FRAS1: variants seen among roughly 807,000 people sequenced by gnomAD.
The protein encoded by FRAS1 is Fraser extracellular matrix complex subunit 1, also known as extracellular matrix organizing protein FRAS1.
FRAS1 carries 290 observed loss-of-function variants against 435.2 expected under a neutral mutation model. That is an observed-to-expected ratio of 0.67 (90% CI 0.61 to 0.73). FRAS1 has a LOEUF of 0.73. Among genes scored for constraint, FRAS1 ranks in the 30% least tolerant of loss-of-function variants. FRAS1 has a pLI of 0.00. For missense variants in FRAS1, 4,860 were observed against 5,001.5 expected (o/e 0.97, Z 0.85); for synonymous variants, 1,800 against 1,851.0 (o/e 0.97, Z 0.71).
rs150378290 is a variant in FRAS1 at position 78,217,221 on chromosome 4, T to C, written c.109-20289T>C. 8.7e-3 allele frequency among the ~76,000 whole-genome samples: 1,321 copies of C among 152,290 alleles called. 19 individuals carry two copies. Among genetic ancestry groups the C allele is most frequent in the African/African-American group, 0.03 (1,253 of 41,548 alleles). ...CTATTCAGGCCCTCCAAGGATTGGA[T>C]GATGCCCTCCCTCATTGATCTTGTT... is the stretch of plus-strand genomic sequence containing the variant. On this transcript the variant is annotated intron_variant, in intron 2 of 73. Coordinates refer to ENST00000512123, the MANE Select transcript of FRAS1 (RefSeq NM_025074.7).
intron 2 of FRAS1, among the ~76,000 whole-genome samples, chr4:78,115,772 A>G (rs933149979): frequency 1.3e-5 from 2 of 152,068 alleles, no homozygotes; most frequent in Admixed American, 1.3e-4. Context: ...GATCTTTTCA[A>G]AAAATCAGCT....
rs35373726 is a variant in FRAS1 at position 78,177,087 on chromosome 4, GTT to G, written c.109-60406_109-60405del. On this transcript the variant is annotated intron_variant, in intron 2 of 73. Transcript: ENST00000512123. ...GGGAGGGAGAGAGAGAGTGATGTGAGTTTTTTTTTTTTTTTTTTGAGACAGAG... is the reference window on the plus strand; with the variant it reads ...GGGAGGGAGAGAGAGAGTGATGTGAGTTTTTTTTTTTTTTTTGAGACAGAG... Among the ~76,000 whole-genome samples, 129 of 133,290 alleles carry G rather than the reference GTT, an allele frequency of 9.7e-4. 1 individual carries two copies. The highest frequency in any genetic ancestry group is 7.8e-3 in the Middle Eastern group (2 of 258). 87.4% of individuals were successfully genotyped at this position (133,290 alleles called of 152,430 possible).
intron 47 of FRAS1, among the ~76,000 whole-genome samples, chr4:78,461,577 C>T (rs887019752): frequency 6.6e-6 from 1 of 152,280 alleles, no homozygotes; most frequent in East Asian, 1.9e-4. Flanking sequence ...ATAGTAGGTG[C>T]TCAATATTTG....
intron 2 of FRAS1, among the ~76,000 whole-genome samples, chr4:78,166,176 G>T (rs1721324983): frequency 6.6e-6 from 1 of 152,128 alleles, no homozygotes; most frequent in Non-Finnish European, 1.5e-5. Context: ...AAGGCACTTT[G>T]TATTTTATAA....
chr4:78,342,011 TTTATCTA>T, intron 20 of FRAS1, among the ~76,000 whole-genome samples: 1 of 152,268 alleles, frequency 6.6e-6, no homozygotes, highest in Middle Eastern at 3.4e-3. Context: ...TTAGGTGACT[TTTATCTA>T]AACTCAGGAA....
intron 59 of FRAS1, among the ~76,000 whole-genome samples, chr4:78,495,726 C>G (rs1720492063): frequency 6.6e-6 from 1 of 152,088 alleles, no homozygotes; most frequent in East Asian, 1.9e-4. Flanking sequence ...ACATGGCAAT[C>G]TATCATTATT....
chr4:78,454,123 C>T (rs1470323100), intron 47 of FRAS1, among the ~76,000 whole-genome samples: 1 of 150,532 alleles, frequency 6.6e-6, no homozygotes, highest in Non-Finnish European at 1.5e-5. Context: ...AATAAGATGA[C>T]AGTTGAGCAG....
chr4:78,435,804 A>T (rs1219939748), intron 38 of FRAS1, among the ~76,000 whole-genome samples: 1 of 152,118 alleles, frequency 6.6e-6, no homozygotes, highest in East Asian at 1.9e-4. Flanking sequence ...ACTCTTTAAA[A>T]CATGGTTCTG....
At chr4:78,325,551 C>T (rs770371696) in intron 18 of FRAS1, among the ~76,000 whole-genome samples, 14 of 152,190 alleles carry the variant, frequency 9.2e-5, no homozygotes, top group Admixed American at 1.3e-4. Flanking sequence ...TGCTGACATG[C>T]GCTGTACAAA....
At chr4:78,285,760 GAGTAATTCC>G (rs1212420408) in intron 13 of FRAS1, among the ~76,000 whole-genome samples, 3 of 152,116 alleles carry the variant, frequency 2.0e-5, no homozygotes, top group Non-Finnish European at 4.4e-5. Flanking sequence ...TATAAAGTGA[GAGTAATTCC>G]AGTACCTTCC....
chr4:78,197,893 A>ATC (rs1722882948), intron 2 of FRAS1, among the ~76,000 whole-genome samples: 2 of 151,908 alleles, frequency 1.3e-5, no homozygotes, highest in South Asian at 2.1e-4. Flanking sequence ...GTGAGCCGAG[A>ATC]TTGAGCCACT....
intron 14 of FRAS1, among the ~76,000 whole-genome samples, chr4:78,302,506 C>G (rs1233572384): frequency 3.4e-4 from 51 of 152,234 alleles, no homozygotes; most frequent in Non-Finnish European, 2.9e-5. Context: ...TCCACATCCT[C>G]TCCAGCACCT....
At chr4:78,322,828 G>A (rs1351500085) in intron 18 of FRAS1, among the ~76,000 whole-genome samples, 3 of 152,118 alleles carry the variant, frequency 2.0e-5, no homozygotes, top group Non-Finnish European at 2.9e-5. Context: ...AGTGTCTCCC[G>A]GGTGCCAGGC....
intron 70 of FRAS1, among the ~76,000 whole-genome samples, chr4:78,530,088 T>C (rs529499935): frequency 6.6e-6 from 1 of 152,290 alleles, no homozygotes; most frequent in Admixed American, 6.5e-5. Flanking sequence ...GAATTCATTG[T>C]AGGAAAATTC....
At chr4:78,270,539 G>A (rs1002891490) in intron 9 of FRAS1, among the ~76,000 whole-genome samples, 964 of 70,636 alleles carry the variant, frequency 0.014, 6 homozygotes, top group African/African-American at 0.05. Context: ...ACCGCCCCCC[G>A]CCACCCCGCC....
At chr4:78,401,968 A>G (rs968725866) in intron 30 of FRAS1, among the ~76,000 whole-genome samples, 2 of 152,032 alleles carry the variant, frequency 1.3e-5, no homozygotes, top group African/African-American at 2.4e-5. Flanking sequence ...CTCAGAATTT[A>G]AAATTATGGA....
intron 22 of FRAS1, among the ~76,000 whole-genome samples, chr4:78,364,821 G>A (rs550423535): frequency 6.6e-6 from 1 of 152,316 alleles, no homozygotes; most frequent in Non-Finnish European, 1.5e-5. Flanking sequence ...CAAATATAGT[G>A]GTAGTATTTC....
Position 78,430,330 on chromosome 4 carries a change from A to G in FRAS1, c.4882A>G (p.Lys1628Glu), listed in dbSNP as rs1485136098. The G allele has an allele frequency of 2.5e-6, 4 of 1,613,754 alleles. No individual in the cohort carries two copies. Among genetic ancestry groups the G allele is most frequent in the Non-Finnish European group, 3.4e-6 (4 of 1,179,872 alleles). Reference sequence around the variant, plus strand: ...AGTAAGAGATGCTGAGACAGCGCCCAAAGAACTCTTCTTTGAGCTTCGGAG... The same window carrying G: ...AGTAAGAGATGCTGAGACAGCGCCCGAAGAACTCTTCTTTGAGCTTCGGAG... ...VVVRDAETAP[K>E]ELFFELRRPP... Residue 1628 changes from lysine (K) to glutamate (E), a missense_variant, in exon 37 of 74, where the codon AAA (lysine) becomes GAA (glutamate). Coordinates refer to ENST00000512123, the MANE Select transcript of FRAS1 (RefSeq NM_025074.7).
chr4:78,501,994 C>CTTAT (rs1720697451), intron 61 of FRAS1, among the ~76,000 whole-genome samples: 2 of 150,522 alleles, frequency 1.3e-5, no homozygotes, highest in Non-Finnish European at 3.0e-5. Context: ...TTCCCCATTG[C>CTTAT]TTTTGTCAGG....
Sources: gnomAD v4.1 joint callset for allele counts (sites outside exome capture counted in the v4.1 genomes callset) on GRCh38, gnomAD v4.1.1 for gene constraint, MANE v1.5 for transcripts, NCBI Gene and HGNC (gene_info 2026-07-23, HGNC 2026-07-21) for gene names.